The following GRK4 variants were observed in gnomAD, a reference collection of about 807,000 sequenced individuals.
GRK4 encodes the protein G protein-coupled receptor kinase 2-like.
GRK4 carries 73 observed loss-of-function variants against 77.9 expected under a neutral mutation model. The ratio of observed to expected loss-of-function variants is 0.94; its 90% confidence interval spans 0.78 to 1.14. The LOEUF is 1.14. Among genes scored for constraint, GRK4 ranks in the 50% most tolerant of loss-of-function variants. GRK4 has a pLI of 0.00. For missense variants in GRK4, 729 were observed against 700.2 expected (o/e 1.04, Z -0.46); for synonymous variants, 257 against 254.4 (o/e 1.01, Z -0.10).
chr4:3,006,744 G>C (rs1477046577), intron 5 of GRK4, among the ~76,000 whole-genome samples: 5 of 152,034 alleles, frequency 3.3e-5, no homozygotes, highest in Non-Finnish European at 7.4e-5. Context: ...CTACCCTCCA[G>C]CCTGGGTGAC....
At chr4:3,003,882 TG>T (rs1287217560) in intron 4 of GRK4, among the ~76,000 whole-genome samples, 1 of 152,124 alleles carries the variant, frequency 6.6e-6, no homozygotes, top group East Asian at 1.9e-4. Flanking sequence ...CTACCACGCC[TG>T]GCTAATAGTT....
intron 13 of GRK4, among the ~76,000 whole-genome samples, chr4:3,036,967 A>AC (rs1281027815): frequency 6.6e-6 from 1 of 151,684 alleles, no homozygotes; most frequent in African/African-American, 2.4e-5. Context: ...CGTGCAGTCC[A>AC]CCCTGCCCTG....
chr4:2,998,076 C>T (rs1191108178), intron 4 of GRK4, among the ~76,000 whole-genome samples: 5 of 151,996 alleles, frequency 3.3e-5, no homozygotes, highest in Admixed American at 2.0e-4. Context: ...AAAAGGTATT[C>T]ACCAGGCGCA....
At chr4:2,983,118 C>T (rs1211613609) in intron 1 of GRK4, among the ~76,000 whole-genome samples, 2 of 152,222 alleles carry the variant, frequency 1.3e-5, no homozygotes, top group Non-Finnish European at 2.9e-5. Context: ...GAAGCTCTTA[C>T]ATCTTTGATG....
chr4:2,969,378 T>TTTCTTTA (rs1252981337), intron 1 of GRK4: 2 of 133,068 alleles, frequency 1.5e-5, no homozygotes, highest in Admixed American at 7.2e-5. Flanking sequence ...TTCTTTCTTT[T>TTTCTTTA]CTTTTTTTTT....
At chr4:3,013,978 G>C (rs1178122142) in intron 8 of GRK4, 150 bp downstream of exon 8, 2 of 796,830 alleles carry the variant, frequency 2.5e-6, no homozygotes, top group Non-Finnish European at 3.7e-6. Context: ...TTTAGTAACA[G>C]TTTTGTTTTT....
At chr4:2,984,282 T>C (rs1723621860) in intron 1 of GRK4, among the ~76,000 whole-genome samples, 1 of 152,232 alleles carries the variant, frequency 6.6e-6, no homozygotes, top group Non-Finnish European at 1.5e-5. Flanking sequence ...AAACTGAGGC[T>C]CACCATGGCT....
chr4:3,035,902 G>T, intron 13 of GRK4, among the ~76,000 whole-genome samples: 1 of 152,116 alleles, frequency 6.6e-6, no homozygotes, highest in East Asian at 1.9e-4. Flanking sequence ...CGGTGCTCTA[G>T]CTCCCTGCCT....
intron 1 of GRK4, chr4:2,966,275 G>A (rs1439603395): frequency 6.6e-6 from 1 of 152,246 alleles, no homozygotes; most frequent in East Asian, 1.9e-4. Context: ...AGCCGGGCGT[G>A]GTGGCGGGCG....
chr4:2,978,626 A>G (rs1009108470), intron 1 of GRK4, among the ~76,000 whole-genome samples: 5 of 152,164 alleles, frequency 3.3e-5, no homozygotes, highest in African/African-American at 1.2e-4. Context: ...TTTCAAGAGC[A>G]TCTTATCTCA....
intron 4 of GRK4, among the ~76,000 whole-genome samples, chr4:2,993,592 T>A (rs945109639): frequency 6.6e-6 from 1 of 152,184 alleles, no homozygotes; most frequent in Non-Finnish European, 1.5e-5. Flanking sequence ...GAGAATCACT[T>A]GAACCTGGGA....
At chr4:2,984,011 C>T (rs1311689959) in intron 1 of GRK4, among the ~76,000 whole-genome samples, 1 of 152,104 alleles carries the variant, frequency 6.6e-6, no homozygotes, top group East Asian at 1.9e-4. Flanking sequence ...CCCCACGATC[C>T]AATCACGGGA....
chr4:3,028,121 G>A (rs528366955), intron 11 of GRK4, 120 bp downstream of exon 11: 106 of 796,922 alleles, frequency 1.3e-4, no homozygotes, highest in African/African-American at 1.2e-3. Context: ...AGTAGATGGC[G>A]CAGTGGTGTT....
Position 2,981,400 on chromosome 4 carries a change from C to G in GRK4, c.53-3113C>G, listed in dbSNP as rs112892393. ...GGTGCTTTATTGAGTGACAGTACAG[C>G]TCTCAGGAGACCCAAAATGGGTAGC... On this transcript the variant is annotated intron_variant, in intron 1 of 15. Coordinates refer to ENST00000398052, the MANE Select transcript of GRK4 (RefSeq NM_182982.3). 5.5e-3 allele frequency among the ~76,000 whole-genome samples: 843 copies of G among 152,348 alleles called. 4 individuals are homozygous for G. Among genetic ancestry groups the G allele is most frequent in the African/African-American group, 0.019 (796 of 41,580 alleles).
chr4:3,030,385 T>C (rs1578376499), intron 12 of GRK4, among the ~76,000 whole-genome samples: 1 of 152,208 alleles, frequency 6.6e-6, no homozygotes, highest in East Asian at 1.9e-4. Flanking sequence ...GAAACTCTCT[T>C]TGTTACTTAC....
Position 2,963,794 on chromosome 4 carries a change from TAGCGCGGC to T in GRK4, c.-272_-265del. ...ATGGGGCCAAGAAGAACCGGGGCGA[TAGCGCGGC>T]AGCGGTGACAGCTGGGACCCGCCGC... is the stretch of plus-strand genomic sequence containing the variant. On this transcript the variant is annotated 5_prime_UTR_variant, in exon 1 of 16. It removes the in-frame stop codon of an upstream open reading frame in the 5' UTR. Coordinates refer to ENST00000398052, the MANE Select transcript of GRK4 (RefSeq NM_182982.3). 1.9e-6 allele frequency: 1 copy of T among 518,450 alleles called. No homozygotes were observed. Among genetic ancestry groups the T allele is most frequent in the South Asian group, 2.4e-5 (1 of 41,286 alleles). The allele number at this position is 518,450 out of a possible 1,614,324, so 32.1% of individuals were successfully genotyped here.
At chr4:2,985,715 A>G in intron 2 of GRK4, 1 of 318,146 alleles carries the variant, frequency 3.1e-6, no homozygotes. Context: ...TCAGATACAG[A>G]AGGCCGGGTG....
At chr4:3,001,910 G>A (rs187230170) in intron 4 of GRK4, among the ~76,000 whole-genome samples, 25 of 152,244 alleles carry the variant, frequency 1.6e-4, no homozygotes, top group Non-Finnish European at 1.0e-4. Context: ...AAATTAGGTG[G>A]ACAATTGAGC....
At position 3,004,340 on chromosome 4, in the gene GRK4, T is replaced by C. The variant is rs755378032; in HGVS notation, c.443+6T>C. 2.6e-6 allele frequency: 4 copies of C among 1,541,222 alleles called. No individual in the cohort carries two copies. In the South Asian group the frequency reaches 4.5e-5, roughly 17 times the overall value. On this transcript the variant is annotated splice_donor_region_variant and intron_variant, in intron 5 of 15. Transcript: ENST00000398052. The stretch of plus-strand genomic sequence containing the variant: ...GCCTTTGAGGAATGTACTAGGTAAG[T>C]GGTTCATGCTGAGCCCTGCATATAT...
Sources: gnomAD v4.1 joint callset for allele counts (sites outside exome capture counted in the v4.1 genomes callset) on GRCh38, gnomAD v4.1.1 for gene constraint, MANE v1.5 for transcripts, NCBI Gene and HGNC (gene_info 2026-07-23, HGNC 2026-07-21) for gene names.